The following SNTG1 variants were observed in gnomAD, a reference collection of about 807,000 sequenced individuals.
SNTG1 encodes gamma-1-syntrophin.
SNTG1 carries 39 observed loss-of-function variants against 74.7 expected under a neutral mutation model. The observed-to-expected ratio is 0.52, with a 90% CI of 0.40 to 0.68. The LOEUF (loss-of-function observed/expected upper bound fraction) is 0.68, where lower values mean the gene tolerates loss of function less well. Among genes scored for constraint, SNTG1 ranks in the 30% least tolerant of loss-of-function variants. The pLI is 0.00. For missense variants in SNTG1, 685 were observed against 609.5 expected (o/e 1.12, Z -1.30); for synonymous variants, 254 against 217.1 (o/e 1.17, Z -1.49).
intron 9 of SNTG1, among the ~76,000 whole-genome samples, chr8:50,526,990 T>G (rs1358963129): frequency 6.6e-6 from 1 of 152,178 alleles, no homozygotes; most frequent in African/African-American, 2.4e-5. Flanking sequence ...CTGGTTGCCC[T>G]ACATTCTTTC....
chr8:50,110,370 A>G (rs560318829), intron 1 of SNTG1, among the ~76,000 whole-genome samples: 1 of 151,762 alleles, frequency 6.6e-6, no homozygotes, highest in Non-Finnish European at 1.5e-5. Context: ...CTATCAGCCT[A>G]CTCTAACACA....
intron 1 of SNTG1, among the ~76,000 whole-genome samples, chr8:50,126,072 C>G (rs1012184862): frequency 6.6e-6 from 1 of 152,108 alleles, no homozygotes; most frequent in Non-Finnish European, 1.5e-5. Context: ...CTGCGGCACC[C>G]TTCTTGGGTC....
At chr8:49,922,568 C>G (rs192358160) in intron 1 of SNTG1, among the ~76,000 whole-genome samples, 2 of 152,054 alleles carry the variant, frequency 1.3e-5, no homozygotes, top group African/African-American at 4.8e-5. Flanking sequence ...GTGTTTATCA[C>G]TGTGGAGAAG....
At chr8:50,078,619 T>C (rs547172180) in intron 1 of SNTG1, among the ~76,000 whole-genome samples, 1 of 152,316 alleles carries the variant, frequency 6.6e-6, no homozygotes, top group Admixed American at 6.5e-5. Flanking sequence ...TAGGTAAACA[T>C]GTGCCATGGT....
intron 2 of SNTG1, among the ~76,000 whole-genome samples, chr8:50,338,131 C>T: frequency 6.7e-6 from 1 of 149,704 alleles, no homozygotes; most frequent in Non-Finnish European, 1.5e-5. Context: ...AAGACTCTGT[C>T]TCAAAAAAAA....
Position 50,357,035 on chromosome 8 carries a change from C to G in SNTG1, c.-27-37177C>G, listed in dbSNP as rs141382207. Among the ~76,000 whole-genome samples, 83 of 152,308 alleles carry G rather than the reference C, an allele frequency of 5.4e-4. No homozygotes were observed. The East Asian group carries it at 0.012, about 22-fold the overall frequency. On this transcript the variant is annotated intron_variant, in intron 2 of 18. Transcript: ENST00000642720. Reference sequence around the variant, plus strand: ...GTTATATCCAAAATTGCCTTTGGGCCTTAGCACATGAACTTTTTTTCTCTC... The same window carrying G: ...GTTATATCCAAAATTGCCTTTGGGCGTTAGCACATGAACTTTTTTTCTCTC...
chr8:50,435,272 T>A (rs1241125905), intron 4 of SNTG1, among the ~76,000 whole-genome samples: 2 of 152,124 alleles, frequency 1.3e-5, no homozygotes, highest in Non-Finnish European at 2.9e-5. Flanking sequence ...TATGAAACTG[T>A]ATAGGAGCAT....
chr8:50,282,911 T>C (rs10109146), intron 2 of SNTG1, among the ~76,000 whole-genome samples: 12,620 of 152,256 alleles, frequency 0.083, 626 homozygotes, highest in African/African-American at 0.13. Flanking sequence ...GAGAACAGAT[T>C]ATTATTGAAC....
At chr8:50,093,310 G>T (rs769120553) in intron 1 of SNTG1, among the ~76,000 whole-genome samples, 1 of 152,042 alleles carries the variant, frequency 6.6e-6, no homozygotes, top group Non-Finnish European at 1.5e-5. Flanking sequence ...TTGATATACT[G>T]TAACAATCAT....
intron 2 of SNTG1, among the ~76,000 whole-genome samples, chr8:50,220,563 G>A (rs1371531076): frequency 6.6e-6 from 1 of 152,124 alleles, no homozygotes; most frequent in African/African-American, 2.4e-5. Context: ...CAGAACAATA[G>A]AGTGGAAATG....
chr8:50,608,260 A>G (rs2094826831), intron 13 of SNTG1, among the ~76,000 whole-genome samples: 1 of 151,666 alleles, frequency 6.6e-6, no homozygotes, highest in Non-Finnish European at 1.5e-5. Context: ...TCTATTGACT[A>G]TTCAGTTAGT....
chr8:50,727,741 C>T (rs1216166266), intron 17 of SNTG1, among the ~76,000 whole-genome samples: 1 of 152,196 alleles, frequency 6.6e-6, no homozygotes. Flanking sequence ...AGTTTGCCTC[C>T]TGGGCTAACT....
At position 50,509,491 on chromosome 8, in the gene SNTG1, A is replaced by G. The variant is rs534078636; in HGVS notation, c.466+6611A>G. Among the ~76,000 whole-genome samples, 819 of 152,256 alleles carry G rather than the reference A, an allele frequency of 5.4e-3. 12 individuals carry two copies. The highest frequency in any genetic ancestry group is 0.019 in the African/African-American group (783 of 41,538). On this transcript the variant is annotated intron_variant, in intron 9 of 18. Coordinates refer to ENST00000642720, the MANE Select transcript of SNTG1 (RefSeq NM_018967.5). ...GCTTGATGGGGATGGCATTGAATCT[A>G]TAAATTACCTTGGGCAGTATGGCCA...
At chr8:49,910,601 C>A (rs973103644), upstream of SNTG1, among the ~76,000 whole-genome samples, 1 of 152,136 alleles carries the variant, frequency 6.6e-6, no homozygotes, top group African/African-American at 2.4e-5. Context: ...TGGGTGACAG[C>A]ACTCGGGACC....
intron 9 of SNTG1, among the ~76,000 whole-genome samples, chr8:50,529,284 T>C (rs1445372380): frequency 1.3e-5 from 2 of 151,972 alleles, no homozygotes; most frequent in Admixed American, 1.3e-4. Flanking sequence ...CAGATCAGTA[T>C]AGCGAGAAAG....
At chr8:50,479,649 C>G (rs1186133796) in intron 8 of SNTG1, among the ~76,000 whole-genome samples, 1 of 152,062 alleles carries the variant, frequency 6.6e-6, no homozygotes, top group South Asian at 2.1e-4. Flanking sequence ...CCTTCCTCTG[C>G]ACTCACTGTG....
chr8:50,253,443 TAA>T (rs796941070), intron 2 of SNTG1, among the ~76,000 whole-genome samples: 1 of 148,736 alleles, frequency 6.7e-6, no homozygotes, highest in African/African-American at 2.5e-5. Flanking sequence ...AATAAATAAA[TAA>T]AAATAAAGGT....
intron 2 of SNTG1, among the ~76,000 whole-genome samples, chr8:50,202,515 C>T (rs935015241): frequency 3.9e-5 from 6 of 152,056 alleles, no homozygotes; most frequent in South Asian, 2.1e-4. Context: ...TGCCCTTTTA[C>T]GGCTTGATAG....
At chr8:50,405,130 TG>T (rs1362833463) in intron 4 of SNTG1, among the ~76,000 whole-genome samples, 2 of 152,142 alleles carry the variant, frequency 1.3e-5, no homozygotes, top group African/African-American at 4.8e-5. Context: ...CAAATATGTT[TG>T]AGTCACCACT....
Sources: gnomAD v4.1 joint callset for allele counts (sites outside exome capture counted in the v4.1 genomes callset) on GRCh38, gnomAD v4.1.1 for gene constraint, MANE v1.5 for transcripts, NCBI Gene and HGNC (gene_info 2026-07-23, HGNC 2026-07-21) for gene names.